The following UTRN variants were observed in gnomAD, a reference collection of about 807,000 sequenced individuals.
UTRN encodes utrophin, also known as dystrophin-related protein 1.
Under a neutral mutation model 463.9 loss-of-function variants are expected in UTRN, and 283 were observed. The ratio of observed to expected loss-of-function variants is 0.61; its 90% CI spans 0.55 to 0.67. The LOEUF is 0.67. UTRN is among the 30% of genes least tolerant of loss of function. UTRN has a pLI of 0.00. For missense variants in UTRN, 3,922 were observed against 4,084.3 expected, an observed-to-expected ratio of 0.96 and a Z score of 1.08; for synonymous variants, 1,442 against 1,431.5, an observed-to-expected ratio of 1.01 and a Z score of -0.17.
intron 40 of UTRN, 32 bp downstream of exon 40, chr6:144,522,203 A>G (rs113244518): frequency 4.2e-6 from 6 of 1,430,650 alleles, no homozygotes; most frequent in African/African-American, 2.9e-5. Context: ...TTGAATGGCC[A>G]CAGTTAATGT....
intron 2 of UTRN, among the ~76,000 whole-genome samples, chr6:144,307,812 C>T (rs1584225627): frequency 6.7e-6 from 1 of 148,356 alleles, no homozygotes; most frequent in Non-Finnish European, 1.5e-5. Context: ...TAACAGTCTG[C>T]CTCAGTTTTT....
intron 51 of UTRN, among the ~76,000 whole-genome samples, chr6:144,658,889 C>T (rs1341083352): frequency 6.6e-6 from 1 of 152,156 alleles, no homozygotes; most frequent in African/African-American, 2.4e-5. Context: ...AGTAATTTAA[C>T]ATCAAAATGG....
At chr6:144,525,920 A>G (rs1048096764) in intron 41 of UTRN, among the ~76,000 whole-genome samples, 10 of 152,128 alleles carry the variant, frequency 6.6e-5, no homozygotes, top group African/African-American at 2.4e-4. Context: ...TTAAATTTCC[A>G]TCTTGATTTC....
intron 23 of UTRN, among the ~76,000 whole-genome samples, chr6:144,469,984 A>G (rs145777547): frequency 0.015 from 2,332 of 152,232 alleles, 25 homozygotes; most frequent in African/African-American, 0.036. Context: ...CCCTTAGTGG[A>G]CACAGCACAT....
At chr6:144,655,162 A>G (rs1023553978) in intron 51 of UTRN, among the ~76,000 whole-genome samples, 8 of 152,218 alleles carry the variant, frequency 5.3e-5, no homozygotes, top group African/African-American at 1.7e-4. Context: ...ATAAAAGGAG[A>G]GTTTTCCCTT....
intron 34 of UTRN, 83 bp downstream of exon 34, chr6:144,499,510 C>G: frequency 8.2e-7 from 1 of 1,221,384 alleles, no homozygotes; most frequent in Non-Finnish European, 1.1e-6. Context: ...GATACCATGT[C>G]CCTCCATTTT....
intron 50 of UTRN, among the ~76,000 whole-genome samples, chr6:144,560,037 C>G (rs907477461): frequency 6.6e-6 from 1 of 151,992 alleles, no homozygotes. Flanking sequence ...TTTTGAGTGT[C>G]GTCTCATTGT....
At chr6:144,846,591 A>G (rs1295245759) in intron 73 of UTRN, among the ~76,000 whole-genome samples, 1 of 152,210 alleles carries the variant, frequency 6.6e-6, no homozygotes, top group Non-Finnish European at 1.5e-5. Context: ...CACATGGGAT[A>G]TGAGAAACTA....
chr6:144,356,894 T>TTG (rs1464363219), intron 2 of UTRN, among the ~76,000 whole-genome samples: 1 of 149,750 alleles, frequency 6.7e-6, no homozygotes, highest in Non-Finnish European at 1.5e-5. Flanking sequence ...TGTGTGTGTA[T>TTG]ATATACACAC....
chr6:144,820,854 A>G (rs1471739480), intron 65 of UTRN, 28 bp from the exon 66 acceptor site: 1 of 1,599,402 alleles, frequency 6.3e-7, no homozygotes, highest in Non-Finnish European at 8.5e-7. Flanking sequence ...TTTTACTGAG[A>G]GAAGTGTAAT....
intron 51 of UTRN, among the ~76,000 whole-genome samples, chr6:144,606,724 A>T (rs1196561618): frequency 6.6e-6 from 1 of 152,158 alleles, no homozygotes; most frequent in African/African-American, 2.4e-5. Context: ...ATTCTCCATA[A>T]CCTGCAACAC....
At chr6:144,705,448 A>G (rs1391894241) in intron 53 of UTRN, among the ~76,000 whole-genome samples, 1 of 152,198 alleles carries the variant, frequency 6.6e-6, no homozygotes, top group African/African-American at 2.4e-5. Context: ...GGAGAAGTTC[A>G]AGATCAGTGC....
intron 50 of UTRN, among the ~76,000 whole-genome samples, chr6:144,570,287 G>C (rs1015267488): frequency 2.0e-5 from 3 of 152,096 alleles, no homozygotes; most frequent in Admixed American, 6.6e-5. Context: ...AAATGTAGAG[G>C]TCTGGATGCG....
At chr6:144,344,884 TGTC>T (rs1029084224) in intron 2 of UTRN, among the ~76,000 whole-genome samples, 1 of 152,238 alleles carries the variant, frequency 6.6e-6, no homozygotes, top group African/African-American at 2.4e-5. Context: ...GCAGGGAAAG[TGTC>T]GTGCACTTTT....
At chr6:144,680,670 CAG>C (rs928732834) in intron 52 of UTRN, among the ~76,000 whole-genome samples, 1 of 152,106 alleles carries the variant, frequency 6.6e-6, no homozygotes, top group Non-Finnish European at 1.5e-5. Flanking sequence ...GGGCCCAAAG[CAG>C]AGAGTGGTTA....
intron 54 of UTRN, among the ~76,000 whole-genome samples, chr6:144,735,172 C>T (rs758604651): frequency 3.7e-4 from 56 of 152,090 alleles, no homozygotes; most frequent in Admixed American, 4.6e-4. Flanking sequence ...TAAAAGTGTC[C>T]GTAGTCATGC....
intron 2 of UTRN, among the ~76,000 whole-genome samples, chr6:144,400,184 C>T (rs939776338): frequency 6.6e-6 from 1 of 152,166 alleles, no homozygotes; most frequent in Non-Finnish European, 1.5e-5. Context: ...TGAAAGAATA[C>T]ATTTAGAGAA....
chr6:144,801,040 C>T (rs573842263), intron 64 of UTRN, among the ~76,000 whole-genome samples: 20 of 152,126 alleles, frequency 1.3e-4, no homozygotes, highest in African/African-American at 4.6e-4. Context: ...AATACATAGG[C>T]GAATATGTGC....
At chr6:144,378,190 G>A (rs555693309) in intron 2 of UTRN, among the ~76,000 whole-genome samples, 1 of 152,304 alleles carries the variant, frequency 6.6e-6, no homozygotes, top group South Asian at 2.1e-4. Flanking sequence ...TTTTGCAGAA[G>A]GTTGAAAAGG....
Sources: gnomAD v4.1 joint callset for allele counts (sites outside exome capture counted in the v4.1 genomes callset) on GRCh38, gnomAD v4.1.1 for gene constraint, MANE v1.5 for transcripts, NCBI Gene and HGNC (gene_info 2026-07-23, HGNC 2026-07-21) for gene names.